Variants in FAM184B observed in about 807,000 individuals in gnomAD.
FAM184B encodes protein FAM184B.
Under a neutral mutation model 135.9 loss-of-function variants are expected in FAM184B, and 111 were observed. The observed-to-expected ratio is 0.82, with a 90% CI of 0.70 to 0.96. The LOEUF is 0.96. Among genes scored for constraint, FAM184B ranks in the 40% least tolerant of loss-of-function variants. The probability of loss-of-function intolerance (pLI) is 0.00; values close to 1 mark genes in which losing one functional copy is unlikely to be tolerated. For missense variants in FAM184B, 1,375 were observed against 1,323.9 expected, an observed-to-expected ratio of 1.04 and a Z score of -0.60; for synonymous variants, 552 against 524.8, an observed-to-expected ratio of 1.05 and a Z score of -0.71.
At chr4:17,710,816 A>C (rs1406315192) in intron 1 of FAM184B, among the ~76,000 whole-genome samples, 1 of 152,254 alleles carries the variant, frequency 6.6e-6, no homozygotes, top group East Asian at 1.9e-4. Context: ...GAAAAACTGT[A>C]GGTAGAACAG....
At chr4:17,635,934 A>G (rs1032283567) in intron 15 of FAM184B, among the ~76,000 whole-genome samples, 4 of 152,134 alleles carry the variant, frequency 2.6e-5, no homozygotes, top group African/African-American at 9.7e-5. Flanking sequence ...AAAAACACTA[A>G]TTCTACTACA....
At chr4:17,700,546 T>C (rs1277383294) in intron 5 of FAM184B, among the ~76,000 whole-genome samples, 6 of 152,218 alleles carry the variant, frequency 3.9e-5, no homozygotes, top group African/African-American at 1.4e-4. Flanking sequence ...CAATTTTAAT[T>C]TGAGATTTCA....
rs890166749 is a variant in FAM184B, at chr4:17,629,889, A to G, written c.*2643T>C. ...GAAACTTTCTGAATGGCAGTTTGGT[A>G]ATAACAAACAAAAAGCTTAAGTTTG... On this transcript the variant is annotated 3_prime_UTR_variant, in exon 18 of 18. Coordinates refer to ENST00000265018, the MANE Select transcript of FAM184B (RefSeq NM_015688.2). The G allele has an allele frequency of 1.3e-5, 2 of 152,226 alleles. No homozygotes were observed. Among genetic ancestry groups the G allele is most frequent in the African/African-American group, 4.8e-5 (2 of 41,458 alleles). The allele number at this position is 152,226 out of a possible 1,614,324, so 9.4% of individuals were successfully genotyped here.
intron 7 of FAM184B, among the ~76,000 whole-genome samples, chr4:17,683,529 G>A (rs1716496621): frequency 6.6e-6 from 1 of 152,204 alleles, no homozygotes; most frequent in Admixed American, 6.6e-5. Flanking sequence ...GAACCCAGGT[G>A]TCTGGTTCAG....
At chr4:17,730,816 G>C (rs1297866904) in intron 1 of FAM184B, among the ~76,000 whole-genome samples, 1 of 152,034 alleles carries the variant, frequency 6.6e-6, no homozygotes, top group Non-Finnish European at 1.5e-5. Context: ...TCAAACAAAT[G>C]GCAAAGAAGT....
rs199549580 is a variant in FAM184B at position 17,632,043 on chromosome 4, ATTTTTTTTTTTTTTT to A, written c.*474_*488del. On this transcript the variant is annotated 3_prime_UTR_variant, in exon 18 of 18. Transcript: ENST00000265018. ...TTTTAATAACACTGGTTTAATGTCA[ATTTTTTTTTTTTTTT>A]TTTTTTTTTTTTTTTTTTTTTTTTT... 46 of 117,582 alleles carry A rather than the reference ATTTTTTTTTTTTTTT, an allele frequency of 3.9e-4. No individual in the cohort carries two copies. Among genetic ancestry groups the A allele is most frequent in the East Asian group, 8.7e-4 (4 of 4,598 alleles). 7.3% of individuals were successfully genotyped at this position (117,582 alleles called of 1,614,324 possible).
In FAM184B at chr4:17,705,143, T is replaced by C; in HGVS notation, c.1234A>G (p.Lys412Glu). 6.4e-7 allele frequency: 1 copy of C among 1,551,876 alleles called. No homozygotes were observed. Among genetic ancestry groups the C allele is most frequent in the Non-Finnish European group, 8.7e-7 (1 of 1,147,034 alleles). ...MKQQYEEDLR[K>E]IKHQTEEEKK... ...TCCTCTTCTGTCTGATGTTTGATTT[T>C]ACGAAGGTCTTCTTCATATTGTTGC... The change falls in exon 5 of 18, where the codon AAA (lysine) becomes GAA (glutamate). Residue 412 changes from lysine to glutamate, a missense_variant. Coordinates refer to ENST00000265018, the MANE Select transcript of FAM184B (RefSeq NM_015688.2).
chr4:17,663,135 C>T (rs1175369003), intron 8 of FAM184B, among the ~76,000 whole-genome samples: 1 of 152,098 alleles, frequency 6.6e-6, no homozygotes, highest in Admixed American at 6.6e-5. Flanking sequence ...CAGGGTTTTG[C>T]CATGTTGCCC....
intron 1 of FAM184B, among the ~76,000 whole-genome samples, chr4:17,731,456 A>T (rs1479862313): frequency 6.6e-6 from 1 of 152,218 alleles, no homozygotes; most frequent in Non-Finnish European, 1.5e-5. Flanking sequence ...AGACACACAT[A>T]GGCTCAAAAT....
Position 17,708,787 on chromosome 4 carries a change from C to T in FAM184B, c.894+105G>A, listed in dbSNP as rs577156895. 12 of 1,238,172 alleles carry T rather than the reference C, an allele frequency of 9.7e-6. No homozygotes were observed. The African/African-American group carries it at 9.7e-5, about 10-fold the overall frequency. 76.7% of individuals were successfully genotyped at this position (1,238,172 alleles called of 1,614,324 possible). On this transcript the variant is annotated intron_variant, in intron 2 of 17. Transcript: ENST00000265018. Reference sequence around the variant, plus strand: ...CAATGGAGATAATAGGGCTCACCTCCGTAGAAGGCAAGTGCTTAGCACAGT... The same window carrying T: ...CAATGGAGATAATAGGGCTCACCTCTGTAGAAGGCAAGTGCTTAGCACAGT...
intron 6 of FAM184B, 147 bp from the exon 7 acceptor site, chr4:17,688,678 G>C: frequency 4.8e-6 from 1 of 208,804 alleles, no homozygotes; most frequent in Non-Finnish European, 8.8e-6. Context: ...TTCTAGAAAT[G>C]CCTTTTTTTT....
chr4:17,741,422 G>C (rs1291746936), intron 1 of FAM184B, among the ~76,000 whole-genome samples: 2 of 152,182 alleles, frequency 1.3e-5, no homozygotes, highest in Non-Finnish European at 2.9e-5. Context: ...GGCCGGGCGT[G>C]GTGGCTCACG....
chr4:17,662,713 A>T lies in FAM184B; in HGVS notation c.1694+1849T>A, dbSNP rs182092525. On this transcript the variant is annotated intron_variant, in intron 8 of 17. Transcript: ENST00000265018. ...GTATGTGCTTAATGTTTCAAGAAAC[A>T]ATCAAATAGTTTTCTAAAGTGATTT... Among the ~76,000 whole-genome samples, 3 of 152,358 alleles carry T rather than the reference A, an allele frequency of 2.0e-5. No homozygotes were observed. In the East Asian group the frequency reaches 5.8e-4, roughly 29 times the overall value.
chr4:17,768,109 T>TTTTGA (rs1487665301), intron 1 of FAM184B, among the ~76,000 whole-genome samples: 1 of 152,272 alleles, frequency 6.6e-6, no homozygotes, highest in Non-Finnish European at 1.5e-5. Context: ...ACAGAAGTTC[T>TTTTGA]TTTGATTTTG....
intron 7 of FAM184B, among the ~76,000 whole-genome samples, chr4:17,682,721 A>T (rs926199991): frequency 6.6e-6 from 1 of 151,270 alleles, no homozygotes; most frequent in Non-Finnish European, 1.5e-5. Flanking sequence ...CTGGTCTTGA[A>T]CTCCTGGCCT....
At position 17,728,591 on chromosome 4, in the gene FAM184B, G is replaced by A. The variant is rs1717696562; in HGVS notation, c.142-18947C>T. Among the ~76,000 whole-genome samples, 6 of 152,134 alleles carry A rather than the reference G, an allele frequency of 3.9e-5. No individual in the cohort carries two copies. The South Asian group carries it at 1.2e-3, about 32-fold the overall frequency. On this transcript the variant is annotated intron_variant, in intron 1 of 17. Coordinates refer to ENST00000265018, the MANE Select transcript of FAM184B (RefSeq NM_015688.2). ...GCAGTGAAAGCAGGTGTCCTGAAGG[G>A]TGGAGAAGATGGCAACTAAGGGGCA...
At chr4:17,767,378 T>C (rs555211727) in intron 1 of FAM184B, among the ~76,000 whole-genome samples, 5 of 152,186 alleles carry the variant, frequency 3.3e-5, no homozygotes, top group African/African-American at 1.2e-4. Flanking sequence ...AGTAAGTCAA[T>C]TATAAATGGA....
At chr4:17,713,714 C>T (rs1386151444) in intron 1 of FAM184B, among the ~76,000 whole-genome samples, 3 of 152,162 alleles carry the variant, frequency 2.0e-5, no homozygotes, top group Admixed American at 2.0e-4. Context: ...AGCACACGTT[C>T]TACACATGGT....
Position 17,688,479 on chromosome 4 carries a change from G to T in FAM184B, c.1541C>A (p.Ala514Asp), listed in dbSNP as rs1471744430. The T allele has an allele frequency of 3.2e-6, 5 of 1,551,064 alleles. No individual in the cohort carries two copies. In the African/African-American group the frequency reaches 6.9e-5, roughly 21 times the overall value. The change falls in exon 7 of 18, where the codon GCT (alanine) becomes GAT (aspartate). Residue 514 changes from alanine to aspartate, a missense_variant. By Grantham distance (126) the Ala-to-Asp change is moderately radical (BLOSUM62 -2). Transcript: ENST00000265018. ...IQQNKTRPTGAEESPQELGRQ... is the reference protein window; with the variant it reads ...IQQNKTRPTGDEESPQELGRQ... ...GCCTAATTCCTGGGGACTTTCCTCA[G>T]CTCCTGTGGGGCGTGTCTTATTTTG... is the stretch of plus-strand genomic sequence containing the variant.
Sources: gnomAD v4.1 joint callset for allele counts (sites outside exome capture counted in the v4.1 genomes callset) on GRCh38, gnomAD v4.1.1 for gene constraint, MANE v1.5 for transcripts, NCBI Gene and HGNC (gene_info 2026-07-23, HGNC 2026-07-21) for gene names.